PAPOLG: variants seen among roughly 807,000 people sequenced by gnomAD.
PAPOLG encodes the protein poly(A) polymerase gamma, also known as PAP-gamma.
PAPOLG carries 40 observed loss-of-function variants against 99.0 expected under a neutral mutation model. That is an observed-to-expected ratio of 0.40 (90% CI 0.31 to 0.53). PAPOLG has a LOEUF of 0.53. Ranked by LOEUF, PAPOLG falls within the 20% of genes least tolerant of loss-of-function variation. The pLI is 0.41. For synonymous variants in PAPOLG, 310 were observed against 299.3 expected, an observed-to-expected ratio of 1.04 and a Z score of -0.37; for missense variants, 675 against 884.1, an observed-to-expected ratio of 0.76 and a Z score of 3.00.
At chr2:60,774,504 T>G (rs1012568463) in intron 7 of PAPOLG, among the ~76,000 whole-genome samples, 7 of 152,018 alleles carry the variant, frequency 4.6e-5, no homozygotes, top group Non-Finnish European at 7.4e-5. Flanking sequence ...TAGCTGGGAA[T>G]ATAGATGCCC....
rs192510058 is a variant in PAPOLG at position 60,781,817 on chromosome 2, T to C, written c.907-68T>C. 43 of 1,595,734 alleles carry C rather than the reference T, an allele frequency of 2.7e-5. No individual in the cohort carries two copies. In the East Asian group the frequency reaches 8.8e-4, roughly 32 times the overall value. On this transcript the variant is annotated intron_variant, in intron 10 of 21. Transcript: ENST00000238714. ...TTTATATTTCATATTCTTCAGACTT[T>C]TGGGGAAATGAAGTGAGAACAACTG...
intron 19 of PAPOLG, 178 bp from the exon 20 acceptor site, chr2:60,794,532 T>G (rs1671639258): frequency 1.6e-6 from 1 of 624,370 alleles, no homozygotes. Context: ...TCACCCAAAC[T>G]GTAGAAATTA....
At chr2:60,769,600 A>G (rs1333346717) in intron 5 of PAPOLG, among the ~76,000 whole-genome samples, 3 of 152,206 alleles carry the variant, frequency 2.0e-5, no homozygotes, top group East Asian at 1.9e-4. Flanking sequence ...GGTTTCTACT[A>G]ATCTCAACTG....
At chr2:60,758,054 T>C (rs993773735) in intron 1 of PAPOLG, among the ~76,000 whole-genome samples, 2 of 152,236 alleles carry the variant, frequency 1.3e-5, no homozygotes, top group African/African-American at 2.4e-5. Context: ...CAGGTACTTA[T>C]CTGTAAAATG....
chr2:60,776,295 A>G (rs1573234859), intron 8 of PAPOLG, among the ~76,000 whole-genome samples: 3 of 151,976 alleles, frequency 2.0e-5, no homozygotes, highest in South Asian at 2.1e-4. Flanking sequence ...TCAGTAAACC[A>G]TGCTGTCAAC....
chr2:60,779,625 T>C lies in PAPOLG; in HGVS notation c.695-12T>C, dbSNP rs745744866. 2.4e-5 allele frequency: 39 copies of C among 1,599,384 alleles called. No individual in the cohort carries two copies. The East Asian group carries it at 8.3e-4, about 34-fold the overall frequency. On this transcript the variant is annotated splice_polypyrimidine_tract_variant and intron_variant, in intron 8 of 21. Transcript: ENST00000238714. Reference sequence around the variant, plus strand: ...GTCCTAATAATAATTAACAAATATATTGATTTTCTAGGACGTGGTATTTAT... The same window carrying C: ...GTCCTAATAATAATTAACAAATATACTGATTTTCTAGGACGTGGTATTTAT...
intron 7 of PAPOLG, among the ~76,000 whole-genome samples, chr2:60,771,964 A>G (rs1048882850): frequency 2.0e-5 from 3 of 152,280 alleles, no homozygotes; most frequent in Non-Finnish European, 4.4e-5. Flanking sequence ...GAAATTTAAA[A>G]AGTACTTATT....
intron 3 of PAPOLG, among the ~76,000 whole-genome samples, chr2:60,766,370 C>T (rs1367232291): frequency 1.3e-5 from 2 of 152,018 alleles, no homozygotes; most frequent in East Asian, 3.9e-4. Flanking sequence ...GTGGATGATA[C>T]CGATAGCCAG....
intron 3 of PAPOLG, among the ~76,000 whole-genome samples, chr2:60,767,337 TTTTC>T (rs887158535): frequency 3.3e-5 from 5 of 151,936 alleles, no homozygotes; most frequent in Admixed American, 6.6e-5. Flanking sequence ...TTTTTTTTCT[TTTTC>T]TTTCTTTTTT....
intron 3 of PAPOLG, among the ~76,000 whole-genome samples, chr2:60,767,848 G>T (rs1289619299): frequency 6.6e-6 from 1 of 152,232 alleles, no homozygotes; most frequent in African/African-American, 2.4e-5. Context: ...CCGAAAGAGT[G>T]ATGAAGCGAA....
At chr2:60,772,550 A>G (rs991956432) in intron 7 of PAPOLG, among the ~76,000 whole-genome samples, 2 of 152,030 alleles carry the variant, frequency 1.3e-5, no homozygotes, top group East Asian at 3.9e-4. Flanking sequence ...GGAGTTTGAG[A>G]CCAGCCTGGA....
chr2:60,798,203 A>T lies in PAPOLG; in HGVS notation c.*1043A>T, dbSNP rs1040396694. ...GAAACCTAAAGGCATTTTGAATGAC[A>T]TTGTTACCAACCATTAATTGGCTCA... On this transcript the variant is annotated 3_prime_UTR_variant, in exon 22 of 22. Transcript: ENST00000238714. The T allele has an allele frequency of 6.5e-6, 1 of 152,758 alleles. No individual in the cohort carries two copies. Among genetic ancestry groups the T allele is most frequent in the Non-Finnish European group, 1.5e-5 (1 of 68,030 alleles). 9.5% of individuals were successfully genotyped at this position (152,758 alleles called of 1,614,324 possible).
At position 60,756,384 on chromosome 2, in the gene PAPOLG, A is replaced by G; in HGVS notation, c.-95A>G. On this transcript the variant is annotated 5_prime_UTR_variant, in exon 1 of 22. Coordinates refer to ENST00000238714, the MANE Select transcript of PAPOLG (RefSeq NM_022894.4). ...AAAGTGAGCGAGCAAGCGAGCTACTAGCGACCGGAGGAAAGTGAACAGGGG... is the reference window on the plus strand; with the variant it reads ...AAAGTGAGCGAGCAAGCGAGCTACTGGCGACCGGAGGAAAGTGAACAGGGG... 4 of 1,543,656 alleles carry G rather than the reference A, an allele frequency of 2.6e-6. No individual in the cohort carries two copies. Among genetic ancestry groups the G allele is most frequent in the Non-Finnish European group, 2.7e-6 (3 of 1,116,750 alleles).
At chr2:60,794,516 A>C in intron 19 of PAPOLG, 194 bp from the exon 20 acceptor site, 1 of 607,284 alleles carries the variant, frequency 1.6e-6, no homozygotes, top group Non-Finnish European at 2.8e-6. Context: ...GATTTAACCA[A>C]AAAGATCACC....
chr2:60,790,645 T>C (rs1450687968), intron 15 of PAPOLG, among the ~76,000 whole-genome samples: 3 of 152,220 alleles, frequency 2.0e-5, no homozygotes, highest in Non-Finnish European at 2.9e-5. Context: ...CAGAGCTGTT[T>C]AGCCTCCTTT....
At chr2:60,787,702 A>C in intron 15 of PAPOLG, 82 bp downstream of exon 15, 1 of 1,514,574 alleles carries the variant, frequency 6.6e-7, no homozygotes, top group Non-Finnish European at 8.9e-7. Flanking sequence ...GGCTGGCTGT[A>C]CTTATTAAAG....
At chr2:60,760,386 A>G in intron 2 of PAPOLG, 91 bp downstream of exon 2, 1 of 1,248,576 alleles carries the variant, frequency 8.0e-7, no homozygotes. Context: ...GTCTCTAGAT[A>G]CAGGTGCAGA....
chr2:60,769,983 T>C (rs552187762), intron 5 of PAPOLG, among the ~76,000 whole-genome samples: 4 of 149,232 alleles, frequency 2.7e-5, no homozygotes, highest in South Asian at 2.2e-4. Context: ...TGTGTTCTCA[T>C]TGTTCAACTC....
At chr2:60,775,281 A>G (rs1354914613) in intron 8 of PAPOLG, among the ~76,000 whole-genome samples, 158 bp downstream of exon 8, 4 of 152,232 alleles carry the variant, frequency 2.6e-5, no homozygotes, top group African/African-American at 7.2e-5. Flanking sequence ...TACAGTGGTT[A>G]TGGTGTTTTG....
Sources: gnomAD v4.1 joint callset for allele counts (sites outside exome capture counted in the v4.1 genomes callset) on GRCh38, gnomAD v4.1.1 for gene constraint, MANE v1.5 for transcripts, NCBI Gene and HGNC (gene_info 2026-07-23, HGNC 2026-07-21) for gene names.